Variants in TEX14 observed in about 807,000 individuals in gnomAD.
TEX14 encodes the protein inactive serine/threonine-protein kinase TEX14.
In TEX14, 168 loss-of-function variants were observed where a neutral mutation model predicts 178.6. That is an observed-to-expected ratio of 0.94 (90% CI 0.83 to 1.07). TEX14 has a LOEUF of 1.07. TEX14 is among the 50% of genes least tolerant of loss of function. TEX14 has a pLI of 0.00. For synonymous variants in TEX14, 626 were observed against 634.1 expected, an observed-to-expected ratio of 0.99 and a Z score of 0.19; for missense variants, 1,730 against 1,753.6, an observed-to-expected ratio of 0.99 and a Z score of 0.24.
intron 7 of TEX14, among the ~76,000 whole-genome samples, chr17:58,615,792 T>A (rs2045859303): frequency 6.6e-6 from 1 of 152,198 alleles, no homozygotes. Flanking sequence ...AAGCTGCCTC[T>A]AATTCTTCAG....
At chr17:58,609,843 G>C (rs532560092) in intron 10 of TEX14, among the ~76,000 whole-genome samples, 2 of 152,214 alleles carry the variant, frequency 1.3e-5, no homozygotes, top group Non-Finnish European at 2.9e-5. Context: ...AGAAATCCCT[G>C]CCTCATGTAG....
Position 58,611,319 on chromosome 17 carries a change from C to G in TEX14, c.1026G>C (p.Leu342=). The G allele has an allele frequency of 6.2e-7, 1 of 1,612,926 alleles. No individual in the cohort carries two copies. Among genetic ancestry groups the G allele is most frequent in the Non-Finnish European group, 8.5e-7 (1 of 1,179,378 alleles). ...LHERRSQFPV[L]HMEVIVHLLL... ...GCAGGTGCACAATCACCTCCATGTG[C>G]AGCACTGGGAACTGGGACCGCTGCA... Residue 342 remains leucine, a synonymous_variant, in exon 10 of 32, where the codon CTG becomes CTC. Coordinates refer to ENST00000349033, the MANE Select transcript of TEX14 (RefSeq NM_031272.5).
rs773278750 is a variant in TEX14, at chr17:58,623,016, G to A, written c.252-4C>T. The A allele has an allele frequency of 7.6e-6, 12 of 1,588,086 alleles. No individual in the cohort carries two copies. The highest frequency in any genetic ancestry group is 1.7e-5 in the Admixed American group (1 of 59,632). ...GGTGCTCCCATCAAAGCAGCGGCTGGGGAGGGAGATGAGTACAATTGATGT... is the reference window on the plus strand; with the variant it reads ...GGTGCTCCCATCAAAGCAGCGGCTGAGGAGGGAGATGAGTACAATTGATGT... On this transcript the variant is annotated splice_polypyrimidine_tract_variant and splice_region_variant and intron_variant, in intron 3 of 31. Coordinates refer to ENST00000349033, the MANE Select transcript of TEX14 (RefSeq NM_031272.5).
At chr17:58,672,767 T>C (rs934441263) in intron 1 of TEX14, among the ~76,000 whole-genome samples, 2 of 152,018 alleles carry the variant, frequency 1.3e-5, no homozygotes, top group Admixed American at 1.3e-4. Flanking sequence ...AGTCTCGCTC[T>C]GTCACCCGGG....
At chr17:58,668,440 C>T (rs1418051414) in intron 1 of TEX14, among the ~76,000 whole-genome samples, 1 of 152,224 alleles carries the variant, frequency 6.6e-6, no homozygotes, top group Non-Finnish European at 1.5e-5. Context: ...GAGGAAGTAA[C>T]TGGAGCCTGG....
chr17:58,592,736 ACCATGTTGGCCAGG>A (rs1485522389), intron 15 of TEX14, among the ~76,000 whole-genome samples: 1 of 151,974 alleles, frequency 6.6e-6, no homozygotes. Flanking sequence ...ACGGGGTTTC[ACCATGTTGGCCAGG>A]CTGCTCTCGA....
chr17:58,669,380 G>A (rs2047265890), intron 1 of TEX14, among the ~76,000 whole-genome samples: 1 of 151,484 alleles, frequency 6.6e-6, no homozygotes, highest in Non-Finnish European at 1.5e-5. Flanking sequence ...AAACAGGAGG[G>A]GGTGTGGAGA....
Position 58,602,447 on chromosome 17 carries a change from T to C in TEX14, c.1480A>G (p.Thr494Ala). ...SGIHVKQKDR[T>A]MNLQDIRYIL... is the part of the protein sequence containing the mutation. ...TACCGGATATCTTGAAGGTTCATAGTTCGGTCTTTCTGCTTGACGTGGATG... is the reference window on the plus strand; with the variant it reads ...TACCGGATATCTTGAAGGTTCATAGCTCGGTCTTTCTGCTTGACGTGGATG... Residue 494 changes from threonine to alanine, a missense_variant, in exon 12 of 32, where the codon ACT (threonine) becomes GCT (alanine). Thr to Ala is a moderately conservative substitution (Grantham distance 58). Around this residue, in one of 2 missense-constraint regions of TEX14, gnomAD observed 789 missense variants for 681.2 expected, o/e 1.16. Coordinates refer to ENST00000349033, the MANE Select transcript of TEX14 (RefSeq NM_031272.5). 1 of 1,614,106 alleles carries C rather than the reference T, an allele frequency of 6.2e-7. No homozygotes were observed. The highest frequency in any genetic ancestry group is 1.3e-5 in the African/African-American group (1 of 75,038).
intron 26 of TEX14, 124 bp from the exon 27 acceptor site, chr17:58,565,948 T>A (rs894654213): frequency 7.0e-6 from 5 of 710,982 alleles, no homozygotes; most frequent in Admixed American, 2.3e-5. Flanking sequence ...CGGGAACTCG[T>A]TAGGAATGCA....
At chr17:58,659,339 T>C (rs569489027) in intron 1 of TEX14, 22 of 983,698 alleles carry the variant, frequency 2.2e-5, no homozygotes, top group Middle Eastern at 5.2e-4. Context: ...CTTACCATCG[T>C]CCTCAACACA....
In TEX14 at chr17:58,557,848, C is replaced by A; in HGVS notation, c.4270G>T (p.Glu1424Ter). 2 of 1,611,072 alleles carry A rather than the reference C, an allele frequency of 1.2e-6. No individual in the cohort carries two copies. Among genetic ancestry groups the A allele is most frequent in the South Asian group, 2.2e-5 (2 of 90,598 alleles). Residue 1424 changes from glutamate to a stop codon, truncating the protein, a stop_gained and splice_region_variant, in exon 31 of 32, where the codon GAA becomes TAA. Transcript: ENST00000349033. LOFTEE classifies it high-confidence loss of function. ...CGCTTCCAAAAACAGGATTTTAGTT[C>A]ATCTTGATGAAATATAAGAGGAAGG... ...EGVLGTSEED[E>*]LKSCFWKRLG...
chr17:58,675,610 A>G (rs1479163032), intron 1 of TEX14: 2 of 152,206 alleles, frequency 1.3e-5, no homozygotes, highest in Admixed American at 6.6e-5. Context: ...TATAATATTA[A>G]CAGATGGTTT....
At chr17:58,614,228 G>A (rs1024038787) in intron 8 of TEX14, among the ~76,000 whole-genome samples, 7 of 152,030 alleles carry the variant, frequency 4.6e-5, no homozygotes, top group South Asian at 2.1e-4. Flanking sequence ...AGTGGCTCAC[G>A]TCTGTAATCC....
intron 1 of TEX14, among the ~76,000 whole-genome samples, chr17:58,656,702 C>T (rs1330347943): frequency 6.8e-6 from 1 of 147,944 alleles, no homozygotes; most frequent in Admixed American, 6.8e-5. Context: ...TGCAGTGAGC[C>T]AAGATCGCAC....
intron 1 of TEX14, among the ~76,000 whole-genome samples, chr17:58,657,744 G>A (rs2047000050): frequency 6.6e-6 from 1 of 151,866 alleles, no homozygotes. Context: ...ACTAACTTTG[G>A]GAGAAACTTA....
chr17:58,579,383 TGA>T (rs1202996269), intron 20 of TEX14, among the ~76,000 whole-genome samples: 4 of 152,156 alleles, frequency 2.6e-5, no homozygotes, highest in Admixed American at 6.6e-5. Context: ...CCTGAAAGCT[TGA>T]GAGACCAAAG....
At position 58,597,056 on chromosome 17, in the gene TEX14, G is replaced by C. The variant is rs528514823; in HGVS notation, c.2469+1820C>G. 2.0e-5 allele frequency among the ~76,000 whole-genome samples: 3 copies of C among 152,300 alleles called. No individual in the cohort carries two copies. In the East Asian group the frequency reaches 5.8e-4, roughly 29 times the overall value. On this transcript the variant is annotated intron_variant, in intron 14 of 31. Coordinates refer to ENST00000349033, the MANE Select transcript of TEX14 (RefSeq NM_031272.5). ...CAACTTGGCCCTTGGTTGTAGCACA[G>C]CAAGTTGAGAGGTGGCAGGGAGAGC...
chr17:58,591,733 A>C (rs2045148115), intron 15 of TEX14, among the ~76,000 whole-genome samples: 1 of 151,818 alleles, frequency 6.6e-6, no homozygotes, highest in South Asian at 2.1e-4. Flanking sequence ...AAACAAAAAA[A>C]AACTAAAACT....
chr17:58,599,990 CT>C (rs1262929481), intron 13 of TEX14, among the ~76,000 whole-genome samples: 1 of 152,064 alleles, frequency 6.6e-6, no homozygotes, highest in Non-Finnish European at 1.5e-5. Flanking sequence ...TTAGAGGCCC[CT>C]GAATCTTGTT....
Sources: allele counts gnomAD v4.1 joint callset (sites outside exome capture counted in the v4.1 genomes callset), GRCh38; gene constraint gnomAD v4.1.1; regional missense constraint gnomAD v4.1.1; transcripts MANE v1.5; gene names NCBI Gene and HGNC (gene_info 2026-07-23, HGNC 2026-07-21).